GLCCI1: variants seen among roughly 807,000 people sequenced by gnomAD.
The protein encoded by GLCCI1 is glucocorticoid-induced transcript 1 protein.
GLCCI1 carries 24 observed loss-of-function variants against 52.2 expected under a neutral mutation model. The ratio of observed to expected loss-of-function variants is 0.46; its 90% CI spans 0.33 to 0.65. The LOEUF (loss-of-function observed/expected upper bound fraction) is 0.65. Among genes scored for constraint, GLCCI1 ranks in the 30% least tolerant of loss-of-function variants. The pLI, the probability that GLCCI1 is intolerant of heterozygous loss-of-function variation, is 0.02. For missense variants in GLCCI1, 704 were observed against 701.5 expected (o/e 1.00, Z -0.04); for synonymous variants, 310 against 276.5 (o/e 1.12, Z -1.20).
intron 1 of GLCCI1, chr7:7,981,772 A>G: frequency 5.5e-6 from 2 of 364,996 alleles, no homozygotes; most frequent in Non-Finnish European, 5.4e-6. Context: ...AAAGGAGTAT[A>G]CAAAGGAACA....
rs544270412 is a variant in GLCCI1 at position 8,059,235 on chromosome 7, T to C, written c.814-861T>C. On this transcript the variant is annotated intron_variant, in intron 4 of 7. Transcript: ENST00000223145. ...AGTTAAAACCTCAATATGAGAAAAG[T>C]TCATGCATCAATAAGAGACAAAAGA... Among the ~76,000 whole-genome samples, 4 of 152,218 alleles carry C rather than the reference T, an allele frequency of 2.6e-5. No individual in the cohort carries two copies. The East Asian group carries it at 7.7e-4, about 29-fold the overall frequency.
intron 3 of GLCCI1, among the ~76,000 whole-genome samples, chr7:8,033,206 T>G (rs540884544): frequency 2.0e-5 from 3 of 149,988 alleles, no homozygotes. Flanking sequence ...TCAACAGTCA[T>G]TCATGATTAA....
intron 4 of GLCCI1, among the ~76,000 whole-genome samples, chr7:8,058,334 T>G (rs1782443363): frequency 6.6e-6 from 1 of 152,190 alleles, no homozygotes; most frequent in African/African-American, 2.4e-5. Flanking sequence ...TTACCTGAAA[T>G]TAATGTACAA....
intron 5 of GLCCI1, among the ~76,000 whole-genome samples, chr7:8,068,152 C>T (rs781120633): frequency 1.3e-5 from 2 of 152,140 alleles, no homozygotes; most frequent in Admixed American, 6.5e-5. Context: ...AGTTCAAGAC[C>T]AACCTGGCCA....
At chr7:8,004,278 A>G (rs1000031220) in intron 2 of GLCCI1, 10 of 454,988 alleles carry the variant, frequency 2.2e-5, no homozygotes, top group African/African-American at 1.7e-4. Context: ...ATAGCACATC[A>G]GTCTATATTA....
At chr7:8,045,777 T>C (rs1242127754) in intron 3 of GLCCI1, among the ~76,000 whole-genome samples, 1 of 152,152 alleles carries the variant, frequency 6.6e-6, no homozygotes, top group Non-Finnish European at 1.5e-5. Flanking sequence ...ACTCTGGAGC[T>C]GTGTAACTCC....
chr7:8,079,089 T>C (rs1782936066), intron 6 of GLCCI1, among the ~76,000 whole-genome samples: 1 of 152,224 alleles, frequency 6.6e-6, no homozygotes, highest in African/African-American at 2.4e-5. Flanking sequence ...AAATTTTTAT[T>C]AGAAGTTCCA....
At position 7,969,944 on chromosome 7, in the gene GLCCI1, C is replaced by G. The variant is rs947622212; in HGVS notation, c.457+137C>G. 6.2e-5 allele frequency: 68 copies of G among 1,094,556 alleles called. No individual in the cohort carries two copies. In the South Asian group the frequency reaches 9.2e-4, roughly 15 times the overall value. The allele number at this position is 1,094,556 out of a possible 1,614,324, so 67.8% of individuals were successfully genotyped here. The stretch of plus-strand genomic sequence containing the variant: ...AAAGTGGCTTTGGGAATCTCACCCC[C>G]CTGCGGTCGCTGTGGGGCTTGGAGG... On this transcript the variant is annotated intron_variant, in intron 1 of 7. Coordinates refer to ENST00000223145, the MANE Select transcript of GLCCI1 (RefSeq NM_138426.4). The surrounding 1 kb of genome is among the most constrained non-coding windows in gnomAD (Gnocchi z 4.9).
chr7:8,084,876 A>G (rs1230775141), intron 6 of GLCCI1, 21 bp from the exon 7 acceptor site: 1 of 1,609,516 alleles, frequency 6.2e-7, no homozygotes, highest in Non-Finnish European at 8.5e-7. Flanking sequence ...ACTAGTTAAT[A>G]TAACTGCTTT....
Position 8,075,924 on chromosome 7 carries a change from C to T in GLCCI1, c.1177+4793C>T, listed in dbSNP as rs181246013. 3.9e-5 allele frequency among the ~76,000 whole-genome samples: 6 copies of T among 152,268 alleles called. No individual in the cohort carries two copies. In the East Asian group the frequency reaches 9.6e-4, roughly 24 times the overall value. ...TTCTGTGATTTAACTCATAAATATT[C>T]GTATTGCTAAACTTTTAGTGTTAGG... On this transcript the variant is annotated intron_variant, in intron 6 of 7. Coordinates refer to ENST00000223145, the MANE Select transcript of GLCCI1 (RefSeq NM_138426.4).
rs185192431 is a variant in GLCCI1 at position 8,087,664 on chromosome 7, C to G, written c.*1126C>G. On this transcript the variant is annotated 3_prime_UTR_variant, in exon 8 of 8. Coordinates refer to ENST00000223145, the MANE Select transcript of GLCCI1 (RefSeq NM_138426.4). Reference sequence around the variant, plus strand: ...ACATACTTTTTGTTATTGTCTTCCTCAAGCAGTTTAGGTGCATGATCTTCA... The same window carrying G: ...ACATACTTTTTGTTATTGTCTTCCTGAAGCAGTTTAGGTGCATGATCTTCA... 6.6e-6 allele frequency: 1 copy of G among 152,580 alleles called. No homozygotes were observed. Among genetic ancestry groups the G allele is most frequent in the Non-Finnish European group, 1.5e-5 (1 of 68,028 alleles). 9.5% of individuals were successfully genotyped at this position (152,580 alleles called of 1,614,324 possible).
intron 6 of GLCCI1, among the ~76,000 whole-genome samples, chr7:8,072,845 A>G (rs1236813306): frequency 6.6e-6 from 1 of 152,126 alleles, no homozygotes; most frequent in African/African-American, 2.4e-5. Context: ...AATACTGTGG[A>G]TAATTGAGAG....
At chr7:7,974,328 G>T (rs941552246) in intron 1 of GLCCI1, among the ~76,000 whole-genome samples, 1 of 152,102 alleles carries the variant, frequency 6.6e-6, no homozygotes, top group Admixed American at 6.5e-5. Context: ...TATTGTAAGC[G>T]TATTGAATAT....
intron 3 of GLCCI1, among the ~76,000 whole-genome samples, chr7:8,026,397 C>T (rs1781621303): frequency 6.6e-6 from 1 of 152,144 alleles, no homozygotes; most frequent in East Asian, 1.9e-4. Flanking sequence ...TTCATCCCTC[C>T]CACCCCCAAT....
chr7:8,023,862 G>C (rs10247928), intron 3 of GLCCI1, among the ~76,000 whole-genome samples: 10 of 151,604 alleles, frequency 6.6e-5, no homozygotes, highest in Non-Finnish European at 1.0e-4. Flanking sequence ...GCCTCCCAAA[G>C]TGCTGAGATT....
rs1456728470 is a variant in GLCCI1 at position 8,005,788 on chromosome 7, T to TG, written c.609+1729_609+1730insG. Among the ~76,000 whole-genome samples, 15 of 151,012 alleles carry TG rather than the reference T, an allele frequency of 9.9e-5. No homozygotes were observed. The East Asian group carries it at 1.4e-3, about 14-fold the overall frequency. Reference sequence around the variant, plus strand: ...GAGAGGGAAACATTATCTAGTTTTTTTTTTGTTTGTTTGTTTTGTTTTTTT... The same window carrying TG: ...GAGAGGGAAACATTATCTAGTTTTTTGTTTTGTTTGTTTGTTTTGTTTTTTT... On this transcript the variant is annotated intron_variant, in intron 2 of 7. Transcript: ENST00000223145.
At position 8,060,084 on chromosome 7, in the gene GLCCI1, C is replaced by T. The variant is rs1416806369; in HGVS notation, c.814-12C>T. 1.2e-6 allele frequency: 2 copies of T among 1,602,924 alleles called. No homozygotes were observed. Among genetic ancestry groups the T allele is most frequent in the South Asian group, 1.1e-5 (1 of 88,418 alleles). Reference sequence around the variant, plus strand: ...ACAAATAATTTGATACCACCTTTATCTTATCTCATAGGCTACTGGATCAAG... The same window carrying T: ...ACAAATAATTTGATACCACCTTTATTTTATCTCATAGGCTACTGGATCAAG... On this transcript the variant is annotated splice_polypyrimidine_tract_variant and intron_variant, in intron 4 of 7. Transcript: ENST00000223145.
At chr7:7,975,625 A>G (rs1035369129) in intron 1 of GLCCI1, among the ~76,000 whole-genome samples, 1 of 152,164 alleles carries the variant, frequency 6.6e-6, no homozygotes, top group Non-Finnish European at 1.5e-5. Context: ...CCATGGCACT[A>G]TTACGCTGTG....
intron 3 of GLCCI1, among the ~76,000 whole-genome samples, chr7:8,026,474 T>G (rs1781623081): frequency 6.6e-6 from 1 of 152,196 alleles, no homozygotes; most frequent in Admixed American, 6.5e-5. Context: ...CAAAATCAAG[T>G]GAGCAACCAC....
Sources: allele counts gnomAD v4.1 joint callset (sites outside exome capture counted in the v4.1 genomes callset), GRCh38; gene constraint gnomAD v4.1.1; non-coding constraint Gnocchi (gnomAD v3.1); transcripts MANE v1.5; gene names NCBI Gene and HGNC (gene_info 2026-07-23, HGNC 2026-07-21).